GRID2IP: variants seen among roughly 807,000 people sequenced by gnomAD.
The protein encoded by GRID2IP is Grid2 interacting protein.
GRID2IP carries 78 observed loss-of-function variants against 114.3 expected under a neutral mutation model. The observed-to-expected ratio is 0.68, with a 90% confidence interval of 0.57 to 0.82. GRID2IP has a LOEUF of 0.82. GRID2IP is among the 40% of genes least tolerant of loss of function. The pLI, the probability that GRID2IP is intolerant of heterozygous loss-of-function variation, is 0.00. For synonymous variants in GRID2IP, 809 were observed against 724.0 expected, an observed-to-expected ratio of 1.12 and a Z score of -1.89; for missense variants, 1,727 against 1,678.5, an observed-to-expected ratio of 1.03 and a Z score of -0.51.
chr7:6,532,930 G>A lies in GRID2IP; in HGVS notation c.585-6161C>T, dbSNP rs1050550701. ...GGCCAGGTGACCCAGGGCAGCATGAGGTGGTCACCCAGTCACTAGGTGATC... is the reference window on the plus strand; with the variant it reads ...GGCCAGGTGACCCAGGGCAGCATGAAGTGGTCACCCAGTCACTAGGTGATC... On this transcript the variant is annotated intron_variant, in intron 2 of 21. Transcript: ENST00000457091. This position sits in a 1 kb window ranked among gnomAD's most constrained non-coding sequence, Gnocchi z 4.4. Among the ~76,000 whole-genome samples the A allele has an allele frequency of 6.6e-6, 1 of 152,196 alleles. No individual in the cohort carries two copies. Among genetic ancestry groups the A allele is most frequent in the Non-Finnish European group, 1.5e-5 (1 of 68,028 alleles).
chr7:6,521,605 C>T lies in GRID2IP; in HGVS notation c.990-82G>A. 1.0e-6 allele frequency: 1 copy of T among 965,358 alleles called. No individual in the cohort carries two copies. Among genetic ancestry groups the T allele is most frequent in the Non-Finnish European group, 1.5e-6 (1 of 647,060 alleles). 59.8% of individuals were successfully genotyped at this position (965,358 alleles called of 1,614,324 possible). A position where few individuals can be genotyped will look rare whatever the true frequency, so the allele number is the denominator to read the frequency against. ...ACCAGCCAGACCTCCCTGTCCTGCC[C>T]ACAGAGGTCACACAGCAAGACCACC... On this transcript the variant is annotated intron_variant, in intron 5 of 21. Transcript: ENST00000457091. The surrounding 1 kb of genome is among the most constrained non-coding windows in gnomAD (Gnocchi z 4.1).
chr7:6,503,728 C>T, intron 15 of GRID2IP, 41 bp from the exon 16 acceptor site: 2 of 1,364,536 alleles, frequency 1.5e-6, no homozygotes, highest in Non-Finnish European at 1.9e-6. Context: ...GGGGCCGGAG[C>T]GGGGCCGGAT....
rs1779442644 is a variant in GRID2IP, at chr7:6,523,001, A to T, written c.920-1044T>A. Among the ~76,000 whole-genome samples, 1 of 151,966 alleles carries T rather than the reference A, an allele frequency of 6.6e-6. No individual in the cohort carries two copies. The highest frequency in any genetic ancestry group is 2.4e-5 in the African/African-American group (1 of 41,370). ...GTATTTTTTGTAGAGACGAAGTTTCACCATGTTGCCCAGGCTGGTCTCAAA... is the reference window on the plus strand; with the variant it reads ...GTATTTTTTGTAGAGACGAAGTTTCTCCATGTTGCCCAGGCTGGTCTCAAA... On this transcript the variant is annotated intron_variant, in intron 4 of 21. Coordinates refer to ENST00000457091, the MANE Select transcript of GRID2IP (RefSeq NM_001145118.2). This position sits in a 1 kb window ranked among gnomAD's most constrained non-coding sequence, Gnocchi z 4.5.
rs1336467946 is a variant in GRID2IP, at chr7:6,506,327, C to G, written c.2545-420G>C. On this transcript the variant is annotated intron_variant, in intron 13 of 21. Transcript: ENST00000457091. This position sits in a 1 kb window ranked among gnomAD's most constrained non-coding sequence, Gnocchi z 5.2. ...TGAGCTGGTGCTGAGAGAACTGCAA[C>G]TGTGACAGCCTAGGGGCCAGACGCT... Among the ~76,000 whole-genome samples, 1 of 152,142 alleles carries G rather than the reference C, an allele frequency of 6.6e-6. No homozygotes were observed. Among genetic ancestry groups the G allele is most frequent in the Non-Finnish European group, 1.5e-5 (1 of 68,026 alleles).
At chr7:6,537,717 C>T (rs998869201) in intron 2 of GRID2IP, among the ~76,000 whole-genome samples, 10 of 151,294 alleles carry the variant, frequency 6.6e-5, no homozygotes, top group African/African-American at 2.4e-4. Flanking sequence ...ATTAGCCAAG[C>T]GTGGCATCGT....
intron 8 of GRID2IP, among the ~76,000 whole-genome samples, chr7:6,512,544 C>T (rs1240340967): frequency 2.0e-5 from 3 of 151,148 alleles, no homozygotes; most frequent in Admixed American, 6.6e-5. Flanking sequence ...GGAGTCTCAC[C>T]GTGTTGCCCA....
Position 6,526,779 on chromosome 7 carries a change from A to C in GRID2IP, c.585-10T>G. The C allele has an allele frequency of 6.6e-7, 1 of 1,505,368 alleles. No individual in the cohort carries two copies. The highest frequency in any genetic ancestry group is 2.8e-5 in the East Asian group (1 of 36,024). The allele number at this position is 1,505,368 out of a possible 1,614,324, so 93.3% of individuals were successfully genotyped here. A position where few individuals can be genotyped will look rare whatever the true frequency, so the allele number is the denominator to read the frequency against. ...CTTGGGGATGAAGATCCTGCCGGCG[A>C]GGACGGCGGAGTCGGGGCGCGTTCC... is the stretch of plus-strand genomic sequence containing the variant. On this transcript the variant is annotated splice_polypyrimidine_tract_variant and intron_variant, in intron 2 of 21. Coordinates refer to ENST00000457091, the MANE Select transcript of GRID2IP (RefSeq NM_001145118.2). The surrounding 1 kb of genome is among the most constrained non-coding windows in gnomAD (Gnocchi z 7.6).
Position 6,526,268 on chromosome 7 carries a change from G to C in GRID2IP, c.875C>G (p.Thr292Arg), listed in dbSNP as rs1296291699. The change falls in exon 4 of 22, where the codon ACA (threonine) becomes AGA (arginine). Residue 292 changes from threonine (T) to arginine (R), a missense_variant. By Grantham distance (71) the Thr-to-Arg change is moderately conservative. Coordinates refer to ENST00000457091, the MANE Select transcript of GRID2IP (RefSeq NM_001145118.2). This position sits in a 1 kb window ranked among gnomAD's most constrained non-coding sequence, Gnocchi z 7.6. ...VYKGNKSFGF[T>R]LRGHGPVWIE... ...CCAGACAGGCCCGTGGCCGCGAAGT[G>C]TGAAGCCGAAGCTCTTGTTGCCTTT... is the stretch of plus-strand genomic sequence containing the variant. The C allele has an allele frequency of 6.4e-7, 1 of 1,552,028 alleles. No homozygotes were observed.
chr7:6,501,965 T>C, intron 19 of GRID2IP, 24 bp downstream of exon 19: 1 of 1,550,690 alleles, frequency 6.4e-7, no homozygotes, highest in Non-Finnish European at 8.7e-7. Flanking sequence ...TGCCTCTGCC[T>C]CCCCATCCAC....
intron 4 of GRID2IP, among the ~76,000 whole-genome samples, chr7:6,524,416 CAGGG>C (rs1218207541): frequency 6.6e-6 from 1 of 152,186 alleles, no homozygotes; most frequent in Non-Finnish European, 1.5e-5. Flanking sequence ...CAGATGGTTA[CAGGG>C]AGGGAGAATT....
rs1779444668 is a variant in GRID2IP at position 6,523,142 on chromosome 7, T to G, written c.920-1185A>C. Reference sequence around the variant, plus strand: ...TTATGAGTCATCATTCTAAATGTAATTTGGAAAGTAGGGAAAATGATCAAT... The same window carrying G: ...TTATGAGTCATCATTCTAAATGTAAGTTGGAAAGTAGGGAAAATGATCAAT... On this transcript the variant is annotated intron_variant, in intron 4 of 21. Coordinates refer to ENST00000457091, the MANE Select transcript of GRID2IP (RefSeq NM_001145118.2). The surrounding 1 kb of genome is among the most constrained non-coding windows in gnomAD (Gnocchi z 4.5). Among the ~76,000 whole-genome samples the G allele has an allele frequency of 6.6e-6, 1 of 152,088 alleles. No homozygotes were observed. The highest frequency in any genetic ancestry group is 1.9e-4 in the East Asian group (1 of 5,200).
chr7:6,513,207 C>T (rs922141118), intron 8 of GRID2IP, among the ~76,000 whole-genome samples: 2 of 151,948 alleles, frequency 1.3e-5, no homozygotes, highest in Non-Finnish European at 2.9e-5. Flanking sequence ...GTTGGCATGT[C>T]TGGCAACCAC....
Position 6,510,966 on chromosome 7 carries a change from A to G in GRID2IP, c.1497T>C (p.Ala499=), listed in dbSNP as rs1305668329. 1 of 1,547,192 alleles carries G rather than the reference A, an allele frequency of 6.5e-7. No individual in the cohort carries two copies. The highest frequency in any genetic ancestry group is 8.7e-7 in the Non-Finnish European group (1 of 1,144,898). Residue 499 remains alanine, a synonymous_variant, in exon 9 of 22, where the codon GCT becomes GCC. Coordinates refer to ENST00000457091, the MANE Select transcript of GRID2IP (RefSeq NM_001145118.2). ...PEPQPRSSLR[A]SSMCRRSLRS... is the part of the protein sequence containing the mutation. The stretch of plus-strand genomic sequence containing the variant: ...GGAGGCTGCGGCGGCACATGGAGGA[A>G]GCCCGCAGGGAGCTCCGCGGCTGGG...
chr7:6,504,936 T>C, intron 14 of GRID2IP, 66 bp from the exon 15 acceptor site: 1 of 1,371,088 alleles, frequency 7.3e-7, no homozygotes, highest in Non-Finnish European at 1.0e-6. Flanking sequence ...GGCCCAGGGG[T>C]GGCGTGGTCA....
Position 6,509,663 on chromosome 7 carries a change from G to C in GRID2IP, c.1772-350C>G, listed in dbSNP as rs1424644858. Among the ~76,000 whole-genome samples the C allele has an allele frequency of 1.3e-5, 2 of 152,160 alleles. No homozygotes were observed. Among genetic ancestry groups the C allele is most frequent in the Non-Finnish European group, 2.9e-5 (2 of 68,010 alleles). On this transcript the variant is annotated intron_variant, in intron 11 of 21. Transcript: ENST00000457091. This position sits in a 1 kb window ranked among gnomAD's most constrained non-coding sequence, Gnocchi z 4.9. Reference sequence around the variant, plus strand: ...AGTCATGGAGCGTCTCGCGCACCCAGCAAGCCCTGAGATCACAGGAGGGCC... The same window carrying C: ...AGTCATGGAGCGTCTCGCGCACCCACCAAGCCCTGAGATCACAGGAGGGCC...
rs1779379267 is a variant in GRID2IP, at chr7:6,519,817, A to T, written c.1268+761T>A. On this transcript the variant is annotated intron_variant, in intron 7 of 21. Transcript: ENST00000457091. This position sits in a 1 kb window ranked among gnomAD's most constrained non-coding sequence, Gnocchi z 4.1. Reference sequence around the variant, plus strand: ...CAAAACAAAAAGGTATGGACAAGTGACAGGCTTTGCAGAGACCATAATAAT... The same window carrying T: ...CAAAACAAAAAGGTATGGACAAGTGTCAGGCTTTGCAGAGACCATAATAAT... Among the ~76,000 whole-genome samples the T allele has an allele frequency of 6.6e-6, 1 of 152,204 alleles. No homozygotes were observed. The highest frequency in any genetic ancestry group is 2.1e-4 in the South Asian group (1 of 4,836).
intron 1 of GRID2IP, among the ~76,000 whole-genome samples, chr7:6,544,875 A>T (rs1407034489): frequency 6.6e-6 from 1 of 151,842 alleles, no homozygotes; most frequent in Non-Finnish European, 1.5e-5. Flanking sequence ...AGGTCAGGAG[A>T]TCGAGACCAT....
chr7:6,531,927 G>C (rs1047204066), intron 2 of GRID2IP, among the ~76,000 whole-genome samples: 14 of 152,208 alleles, frequency 9.2e-5, no homozygotes, highest in Non-Finnish European at 5.9e-5. Flanking sequence ...GAGTCAGTGC[G>C]AGTGAGGACA....
At position 6,516,060 on chromosome 7, in the gene GRID2IP, G is replaced by A. The variant is rs1189942789; in HGVS notation, c.1269-1531C>T. Among the ~76,000 whole-genome samples the A allele has an allele frequency of 6.6e-6, 1 of 151,814 alleles. No individual in the cohort carries two copies. The highest frequency in any genetic ancestry group is 1.9e-4 in the East Asian group (1 of 5,178). On this transcript the variant is annotated intron_variant, in intron 7 of 21. Coordinates refer to ENST00000457091, the MANE Select transcript of GRID2IP (RefSeq NM_001145118.2). The surrounding 1 kb of genome is among the most constrained non-coding windows in gnomAD (Gnocchi z 4.3). The stretch of plus-strand genomic sequence containing the variant: ...TGCAGTGAGCTGAGATCGCGCCATT[G>A]CACTCCAGCCTGGGTGACAGAGCAA...
Sources: allele counts gnomAD v4.1 joint callset (sites outside exome capture counted in the v4.1 genomes callset), GRCh38; gene constraint gnomAD v4.1.1; non-coding constraint Gnocchi (gnomAD v3.1); transcripts MANE v1.5; gene names NCBI Gene and HGNC (gene_info 2026-07-23, HGNC 2026-07-21).